The following PTPRD variants were observed in gnomAD, a reference collection of about 807,000 sequenced individuals.
The protein encoded by PTPRD is receptor-type tyrosine-protein phosphatase delta.
A neutral mutation model predicts 214.5 loss-of-function variants in PTPRD; 34 were observed. The observed-to-expected ratio is 0.16, with a 90% confidence interval of 0.12 to 0.21. PTPRD has a LOEUF of 0.21. Ranked by LOEUF, PTPRD falls within the 10% of genes least tolerant of loss-of-function variation. The pLI is 1.00. For missense variants in PTPRD, 2,545 were observed against 2,398.7 expected (o/e 1.06, Z -1.27); for synonymous variants, 1,128 against 845.7 (o/e 1.33, Z -5.79).
At chr9:8,465,705 G>C in intron 31 of PTPRD, 30 bp from the exon 32 acceptor site, 2 of 1,566,892 alleles carry the variant, frequency 1.3e-6, no homozygotes, top group Non-Finnish European at 8.7e-7. Flanking sequence ...AACAGAAAAA[G>C]AACTGTAAAT....
At chr9:8,816,643 A>G (rs1471219572) in intron 11 of PTPRD, among the ~76,000 whole-genome samples, 1 of 152,204 alleles carries the variant, frequency 6.6e-6, no homozygotes, top group East Asian at 1.9e-4. Flanking sequence ...ACTCAACTAA[A>G]TTAACACTAC....
chr9:10,135,559 G>C (rs758611977), intron 3 of PTPRD, among the ~76,000 whole-genome samples: 8 of 152,118 alleles, frequency 5.3e-5, no homozygotes, highest in Non-Finnish European at 1.0e-4. Context: ...AGCCAGGAAA[G>C]ATGGGGGTCT....
chr9:10,167,909 T>C (rs913063491), intron 3 of PTPRD, among the ~76,000 whole-genome samples: 9 of 152,164 alleles, frequency 5.9e-5, no homozygotes, highest in African/African-American at 2.2e-4. Context: ...GACCAAAATG[T>C]GCAAAGAGCT....
At chr9:8,697,059 G>A (rs2097926002) in intron 12 of PTPRD, among the ~76,000 whole-genome samples, 1 of 152,138 alleles carries the variant, frequency 6.6e-6, no homozygotes, top group African/African-American at 2.4e-5. Context: ...TCCTATTTTT[G>A]CTTCCACTAA....
At chr9:10,441,484 C>A (rs1253593921) in intron 2 of PTPRD, among the ~76,000 whole-genome samples, 2 of 151,718 alleles carry the variant, frequency 1.3e-5, no homozygotes, top group African/African-American at 4.8e-5. Context: ...ATATTTATTA[C>A]ATTTCAAGCC....
chr9:8,743,085 C>A lies in PTPRD; in HGVS notation c.-103-9139G>T, dbSNP rs187718701. Among the ~76,000 whole-genome samples, 372 of 123,994 alleles carry A rather than the reference C, an allele frequency of 3.0e-3. 1 individual carries two copies. Among genetic ancestry groups the A allele is most frequent in the African/African-American group, 9.8e-3 (325 of 33,036 alleles). 81.3% of individuals were successfully genotyped at this position (123,994 alleles called of 152,430 possible). A position where few individuals can be genotyped will look rare whatever the true frequency, so the allele number is the denominator to read the frequency against. ...CCTGTCCTAGAACAGCTCATTGGCACAGAGGAAAAATTCCAAATTAAAAAA... is the reference window on the plus strand; with the variant it reads ...CCTGTCCTAGAACAGCTCATTGGCAAAGAGGAAAAATTCCAAATTAAAAAA... On this transcript the variant is annotated intron_variant, in intron 11 of 45. Transcript: ENST00000381196.
intron 12 of PTPRD, among the ~76,000 whole-genome samples, chr9:8,664,323 C>T (rs1228968921): frequency 6.6e-6 from 1 of 152,136 alleles, no homozygotes; most frequent in Non-Finnish European, 1.5e-5. Flanking sequence ...TCATATTAAC[C>T]GTGACCATCA....
chr9:9,123,457 T>C (rs941386243), intron 10 of PTPRD, among the ~76,000 whole-genome samples: 2 of 152,126 alleles, frequency 1.3e-5, no homozygotes, highest in Admixed American at 1.3e-4. Flanking sequence ...CTATGGAAAA[T>C]CACCAGGCTT....
chr9:8,781,899 T>G (rs576245781), intron 11 of PTPRD, among the ~76,000 whole-genome samples: 117 of 152,312 alleles, frequency 7.7e-4, no homozygotes, highest in African/African-American at 2.5e-3. Context: ...GTGGGTCAGC[T>G]CATGGTCCAT....
At chr9:9,779,307 T>C (rs2098825034) in intron 5 of PTPRD, among the ~76,000 whole-genome samples, 3 of 152,044 alleles carry the variant, frequency 2.0e-5, no homozygotes, top group Admixed American at 2.0e-4. Context: ...AAAAAAAATT[T>C]GGCTAAGTTC....
At chr9:8,395,277 A>G (rs1433497726) in intron 36 of PTPRD, among the ~76,000 whole-genome samples, 1 of 152,188 alleles carries the variant, frequency 6.6e-6, no homozygotes, top group Non-Finnish European at 1.5e-5. Flanking sequence ...GAAAAAGCAT[A>G]ACACTATATT....
chr9:10,520,788 A>T (rs1373424397), intron 2 of PTPRD, among the ~76,000 whole-genome samples: 1 of 152,084 alleles, frequency 6.6e-6, no homozygotes, highest in Non-Finnish European at 1.5e-5. Context: ...CCTGTGTTCT[A>T]TAAATGGAAC....
At chr9:8,591,432 C>T (rs981319894) in intron 14 of PTPRD, among the ~76,000 whole-genome samples, 3 of 152,142 alleles carry the variant, frequency 2.0e-5, no homozygotes, top group African/African-American at 7.2e-5. Context: ...TATTCAACTT[C>T]ATTTTGACTT....
At chr9:8,553,538 A>T (rs979315862) in intron 14 of PTPRD, among the ~76,000 whole-genome samples, 2 of 152,192 alleles carry the variant, frequency 1.3e-5, no homozygotes, top group Non-Finnish European at 2.9e-5. Context: ...AATCAACTAC[A>T]CTATCTACCA....
intron 2 of PTPRD, among the ~76,000 whole-genome samples, chr9:10,428,044 G>A (rs868448097): frequency 2.6e-5 from 4 of 151,940 alleles, no homozygotes; most frequent in South Asian, 4.2e-4. Flanking sequence ...GGACGGGCAC[G>A]GTGGCTCACA....
At chr9:10,453,998 T>G (rs995251735) in intron 2 of PTPRD, among the ~76,000 whole-genome samples, 5 of 151,668 alleles carry the variant, frequency 3.3e-5, no homozygotes, top group Non-Finnish European at 7.4e-5. Context: ...AAAGTTCTTT[T>G]GTGATTTAAC....
intron 9 of PTPRD, among the ~76,000 whole-genome samples, chr9:9,218,882 G>A (rs557128504): frequency 5.3e-5 from 8 of 152,190 alleles, no homozygotes; most frequent in African/African-American, 1.9e-4. Flanking sequence ...CCTCCCTGGG[G>A]CATTGTCTTG....
intron 11 of PTPRD, among the ~76,000 whole-genome samples, chr9:8,792,313 A>T (rs954857095): frequency 6.6e-6 from 1 of 152,230 alleles, no homozygotes; most frequent in Non-Finnish European, 1.5e-5. Flanking sequence ...ACTGAAAGTC[A>T]TCCATAGGGG....
intron 3 of PTPRD, among the ~76,000 whole-genome samples, chr9:10,081,059 C>T (rs1246841891): frequency 6.6e-6 from 1 of 151,978 alleles, no homozygotes; most frequent in Non-Finnish European, 1.5e-5. Flanking sequence ...GGAATATCTA[C>T]TAAGAATATT....
Sources: gnomAD v4.1 joint callset for allele counts (sites outside exome capture counted in the v4.1 genomes callset) on GRCh38, gnomAD v4.1.1 for gene constraint, MANE v1.5 for transcripts, NCBI Gene and HGNC (gene_info 2026-07-23, HGNC 2026-07-21) for gene names.